VPS13D: variants seen among roughly 807,000 people sequenced by gnomAD.
The protein encoded by VPS13D is vacuolar protein sorting 13 homolog D, also known as intermembrane lipid transfer protein VPS13D.
A neutral mutation model predicts 461.9 loss-of-function variants in VPS13D; 187 were observed. That is an observed-to-expected ratio of 0.40 (90% confidence interval 0.36 to 0.46). VPS13D has a LOEUF of 0.46. VPS13D is among the 20% of genes least tolerant of loss of function. VPS13D has a pLI of 0.60. For synonymous variants in VPS13D, 1,951 were observed against 1,986.3 expected (o/e 0.98, Z 0.47); for missense variants, 4,711 against 5,364.9 (o/e 0.88, Z 3.81).
chr1:12,433,550 G>A (rs527320745), intron 65 of VPS13D, among the ~76,000 whole-genome samples: 7 of 152,294 alleles, frequency 4.6e-5, no homozygotes, highest in African/African-American at 1.7e-4. Context: ...CGATGAACCC[G>A]CCAGTGACTC....
At position 12,509,138 on chromosome 1, in the gene VPS13D, T is replaced by C. The variant is rs1295709222; in HGVS notation, c.*114T>C. The C allele has an allele frequency of 7.5e-7, 1 of 1,338,290 alleles. No individual in the cohort carries two copies. The allele number at this position is 1,338,290 out of a possible 1,614,324, so 82.9% of individuals were successfully genotyped here. A position where few individuals can be genotyped will look rare whatever the true frequency, so the allele number is the denominator to read the frequency against. ...ACCGGAGTCGGGTTTGGGGAAGTTG[T>C]CAAGGAATGAGGGAAAGTAAATCCT... On this transcript the variant is annotated 3_prime_UTR_variant, in exon 70 of 70. Coordinates refer to ENST00000620676, the MANE Select transcript of VPS13D (RefSeq NM_015378.4).
chr1:12,399,060 A>T (rs1644537473), intron 60 of VPS13D, among the ~76,000 whole-genome samples: 1 of 152,230 alleles, frequency 6.6e-6, no homozygotes, highest in Admixed American at 6.5e-5. Flanking sequence ...TACAGGTATG[A>T]TGTGACTTGG....
chr1:12,271,239 A>G, intron 17 of VPS13D, 115 bp downstream of exon 17: 2 of 1,318,758 alleles, frequency 1.5e-6, no homozygotes, highest in African/African-American at 1.5e-5. Flanking sequence ...CTGACTGAGT[A>G]AACTGAAAAT....
chr1:12,343,077 T>TA (rs779158947), intron 42 of VPS13D, 26 bp downstream of exon 42: 51 of 1,560,366 alleles, frequency 3.3e-5, no homozygotes, highest in South Asian at 4.8e-5. Context: ...TTCTTTTCTT[T>TA]AAAAAAAAGA....
At chr1:12,403,026 G>T (rs1644600531) in intron 62 of VPS13D, among the ~76,000 whole-genome samples, 1 of 152,176 alleles carries the variant, frequency 6.6e-6, no homozygotes, top group Non-Finnish European at 1.5e-5. Flanking sequence ...CAGCATAAAT[G>T]GGCAGGTCTC....
In VPS13D at chr1:12,430,199, A is replaced by G. The variant is rs948735665; in HGVS notation, c.12333+13372A>G. ...GTTAGTTATAAAAGAGGAGGCACTC[A>G]TGGCTCCTTGTAGTTTTATAGCAAT... On this transcript the variant is annotated intron_variant, in intron 65 of 69. Transcript: ENST00000620676. Among the ~76,000 whole-genome samples, 34 of 152,336 alleles carry G rather than the reference A, an allele frequency of 2.2e-4. 1 individual carries two copies. In the Middle Eastern group the frequency reaches 0.014, roughly 61 times the overall value.
intron 27 of VPS13D, among the ~76,000 whole-genome samples, chr1:12,309,876 A>G (rs1042765367): frequency 1.3e-5 from 2 of 152,010 alleles, no homozygotes; most frequent in Non-Finnish European, 2.9e-5. Context: ...AAGTCATTTA[A>G]TGTCACTTTT....
chr1:12,298,864 G>A (rs1363416333), intron 24 of VPS13D, among the ~76,000 whole-genome samples: 2 of 152,046 alleles, frequency 1.3e-5, no homozygotes, highest in East Asian at 1.9e-4. Flanking sequence ...AAGTCGTGGT[G>A]TAAATTTCTC....
chr1:12,329,999 A>G lies in VPS13D; in HGVS notation c.8287+81A>G, dbSNP rs1235053144. ...CTGGACCTATTGCTACGTAAATTTT[A>G]CATGAAGGAAAGGGCAGGGGTGGGG... On this transcript the variant is annotated intron_variant, in intron 37 of 69. Coordinates refer to ENST00000620676, the MANE Select transcript of VPS13D (RefSeq NM_015378.4). The G allele has an allele frequency of 8.0e-6, 9 of 1,119,284 alleles. No individual in the cohort carries two copies. The African/African-American group carries it at 1.3e-4, about 16-fold the overall frequency. The allele number at this position is 1,119,284 out of a possible 1,614,324, so 69.3% of individuals were successfully genotyped here. A position where few individuals can be genotyped will look rare whatever the true frequency, so the allele number is the denominator to read the frequency against.
Position 12,299,129 on chromosome 1 carries a change from G to C in VPS13D, c.6034-73G>C. On this transcript the variant is annotated intron_variant, in intron 24 of 69. Coordinates refer to ENST00000620676, the MANE Select transcript of VPS13D (RefSeq NM_015378.4). This position sits in a 1 kb window ranked among gnomAD's most constrained non-coding sequence, Gnocchi z 4.2. ...GTTTTATAAACTCACGAAACTTTTG[G>C]GAACCTGAGGTTATTTGGTGGTAAA... is the stretch of plus-strand genomic sequence containing the variant. The C allele has an allele frequency of 7.0e-7, 1 of 1,436,406 alleles. No individual in the cohort carries two copies. The highest frequency in any genetic ancestry group is 1.5e-5 in the South Asian group (1 of 66,174). The allele number at this position is 1,436,406 out of a possible 1,614,324, so 89.0% of individuals were successfully genotyped here.
chr1:12,295,988 A>G (rs1642264959), intron 24 of VPS13D, among the ~76,000 whole-genome samples: 1 of 152,136 alleles, frequency 6.6e-6, no homozygotes, highest in African/African-American at 2.4e-5. Flanking sequence ...TTTTCCCCCC[A>G]TTTAGTGTGT....
intron 2 of VPS13D, among the ~76,000 whole-genome samples, chr1:12,241,406 ATC>A (rs2101199198): frequency 6.6e-6 from 1 of 152,338 alleles, no homozygotes; most frequent in Non-Finnish European, 1.5e-5. Context: ...GAAAATGTAT[ATC>A]TCAGACAGAT....
intron 1 of VPS13D, among the ~76,000 whole-genome samples, chr1:12,231,667 T>C (rs1370182734): frequency 6.6e-6 from 1 of 152,184 alleles, no homozygotes. Flanking sequence ...CAGTTTCACA[T>C]TTGGTTTTCA....
In VPS13D at chr1:12,439,093, C is replaced by G. The variant is rs180795237; in HGVS notation, c.12334-16905C>G. Among the ~76,000 whole-genome samples the G allele has an allele frequency of 6.4e-4, 98 of 152,274 alleles. No homozygotes were observed. In the Middle Eastern group the frequency reaches 0.01, roughly 16 times the overall value. On this transcript the variant is annotated intron_variant, in intron 65 of 69. Transcript: ENST00000620676. ...ACCTCAGTACAACAACTAGAGTGAT[C>G]CTGTCAAAACATAACAGATTTGGTC...
At chr1:12,295,548 A>G (rs1051477051) in intron 24 of VPS13D, among the ~76,000 whole-genome samples, 1 of 152,198 alleles carries the variant, frequency 6.6e-6, no homozygotes, top group Non-Finnish European at 1.5e-5. Flanking sequence ...AAAGAATCAT[A>G]CTAGTATCTC....
intron 27 of VPS13D, 67 bp from the exon 28 acceptor site, chr1:12,311,387 G>T: frequency 6.8e-7 from 1 of 1,479,228 alleles, no homozygotes. Flanking sequence ...CCGTTGTTTG[G>T]GCGTGAGCTA....
At chr1:12,327,892 T>C in intron 36 of VPS13D, 38 bp downstream of exon 36, 3 of 1,598,270 alleles carry the variant, frequency 1.9e-6, no homozygotes, top group Non-Finnish European at 2.6e-6. Context: ...ATCTTGAATA[T>C]TTCCAGTCAT....
chr1:12,407,148 C>T (rs6682241), intron 63 of VPS13D: 49 of 152,182 alleles, frequency 3.2e-4, no homozygotes, highest in Non-Finnish European at 6.0e-4. Context: ...GGGAAATATC[C>T]CTGTAGTTTT....
chr1:12,372,259 C>T (rs1644130400), intron 54 of VPS13D, among the ~76,000 whole-genome samples: 1 of 152,130 alleles, frequency 6.6e-6, no homozygotes, highest in South Asian at 2.1e-4. Context: ...CAGGGTCTCA[C>T]TATTTTGCCC....
Sources: gnomAD v4.1 joint callset for allele counts (sites outside exome capture counted in the v4.1 genomes callset) on GRCh38, gnomAD v4.1.1 for gene constraint, Gnocchi (gnomAD v3.1) non-coding constraint, MANE v1.5 for transcripts, NCBI Gene and HGNC (gene_info 2026-07-23, HGNC 2026-07-21) for gene names.